The following PIAS4 variants were observed in gnomAD, a reference collection of about 807,000 sequenced individuals.
PIAS4 encodes the protein E3 SUMO-protein ligase PIAS4.
PIAS4 carries 7 observed loss-of-function variants against 58.0 expected under a neutral mutation model. The ratio of observed to expected loss-of-function variants is 0.12; its 90% CI spans 0.07 to 0.23. PIAS4 has a LOEUF of 0.23. Among genes scored for constraint, PIAS4 ranks in the 10% least tolerant of loss-of-function variants. PIAS4 has a pLI of 1.00. For synonymous variants in PIAS4, 364 were observed against 312.4 expected (o/e 1.17, Z -1.74); for missense variants, 550 against 709.5 (o/e 0.78, Z 2.55).
intron 9 of PIAS4, among the ~76,000 whole-genome samples, chr19:4,034,703 G>A (rs1264133898): frequency 2.0e-5 from 3 of 152,218 alleles, no homozygotes; most frequent in African/African-American, 7.2e-5. Flanking sequence ...GCTTGGGCTT[G>A]GGGTGGCGGC....
chr19:4,032,991 AG>A (rs2040236527), intron 7 of PIAS4, 108 bp from the exon 8 acceptor site: 1 of 852,820 alleles, frequency 1.2e-6, no homozygotes, highest in Non-Finnish European at 1.9e-6. Context: ...ACTCATCGTC[AG>A]GGGCCTGTTC....
intron 8 of PIAS4, 77 bp downstream of exon 8, chr19:4,033,250 C>A (rs942620401): frequency 7.5e-6 from 11 of 1,467,234 alleles, no homozygotes; most frequent in African/African-American, 4.2e-5. Context: ...GGGCCCGGGG[C>A]GGCTTGGCTG....
intron 2 of PIAS4, among the ~76,000 whole-genome samples, chr19:4,018,166 T>C (rs1395243686): frequency 6.6e-6 from 1 of 152,230 alleles, no homozygotes; most frequent in Non-Finnish European, 1.5e-5. Context: ...ACTTGTACAA[T>C]TATGCGCTTG....
intron 9 of PIAS4, among the ~76,000 whole-genome samples, chr19:4,035,586 G>A (rs2040266429): frequency 1.3e-5 from 2 of 152,082 alleles, no homozygotes; most frequent in Admixed American, 6.5e-5. Flanking sequence ...TGGGGAGCCC[G>A]CACTCTGCTC....
intron 9 of PIAS4, among the ~76,000 whole-genome samples, chr19:4,033,918 G>A (rs538123731): frequency 6.6e-6 from 1 of 152,222 alleles, no homozygotes; most frequent in Admixed American, 6.5e-5. Flanking sequence ...GCTTTCACAC[G>A]GCGTTCACCC....
chr19:4,030,763 C>G (rs759783270), intron 7 of PIAS4, among the ~76,000 whole-genome samples: 10 of 152,212 alleles, frequency 6.6e-5, no homozygotes, highest in Non-Finnish European at 1.3e-4. Flanking sequence ...CTGGTGGCCA[C>G]TGTCTTCAGG....
intron 7 of PIAS4, among the ~76,000 whole-genome samples, chr19:4,030,175 C>CGGGCAGA (rs1258420124): frequency 4.0e-5 from 6 of 150,942 alleles, no homozygotes; most frequent in Non-Finnish European, 5.9e-5. Context: ...GTTGCCCAGG[C>CGGGCAGA]TGGTCGTAAA....
chr19:4,009,610 C>T (rs2039974547), intron 1 of PIAS4, among the ~76,000 whole-genome samples: 3 of 151,514 alleles, frequency 2.0e-5, no homozygotes, highest in South Asian at 4.2e-4. Context: ...CTTTCAGGTT[C>T]TCTAAACCGT....
chr19:4,033,961 C>G (rs182305210), intron 9 of PIAS4, among the ~76,000 whole-genome samples: 24 of 152,258 alleles, frequency 1.6e-4, no homozygotes, highest in Admixed American at 7.2e-4. Flanking sequence ...GACCTCCTCA[C>G]AGAAAGGCAA....
intron 7 of PIAS4, among the ~76,000 whole-genome samples, chr19:4,029,421 G>A (rs1319480829): frequency 1.3e-5 from 2 of 152,224 alleles, no homozygotes; most frequent in Admixed American, 6.5e-5. Context: ...CCTCAGCGGG[G>A]CCGAGGGTGC....
intron 7 of PIAS4, among the ~76,000 whole-genome samples, chr19:4,032,280 CA>C (rs2144936968): frequency 6.6e-6 from 1 of 152,236 alleles, no homozygotes; most frequent in South Asian, 2.1e-4. Context: ...GAGGAAGCAA[CA>C]CTGGTCCACC....
intron 9 of PIAS4, among the ~76,000 whole-genome samples, chr19:4,035,726 C>G (rs2040268108): frequency 9.0e-6 from 1 of 110,790 alleles, no homozygotes. Flanking sequence ...CACCCGCATG[C>G]CCACACATCC....
chr19:4,015,492 C>A (rs771065807), intron 2 of PIAS4, among the ~76,000 whole-genome samples: 1 of 152,214 alleles, frequency 6.6e-6, no homozygotes, highest in Non-Finnish European at 1.5e-5. Flanking sequence ...CTGGCTCTCT[C>A]TCCATCTCAG....
intron 7 of PIAS4, among the ~76,000 whole-genome samples, chr19:4,029,782 C>G (rs1324784131): frequency 1.4e-5 from 2 of 146,330 alleles, no homozygotes; most frequent in Non-Finnish European, 3.0e-5. Flanking sequence ...TAGCTTGGGA[C>G]CACATGTGTT....
At chr19:4,015,541 TGGG>T (rs2040044256) in intron 2 of PIAS4, among the ~76,000 whole-genome samples, 2 of 152,296 alleles carry the variant, frequency 1.3e-5, no homozygotes, top group Admixed American at 6.5e-5. Flanking sequence ...TCCGTGCTCT[TGGG>T]GGACTCCCTG....
At chr19:4,014,075 GT>G (rs2040027803) in intron 2 of PIAS4, among the ~76,000 whole-genome samples, 1 of 152,180 alleles carries the variant, frequency 6.6e-6, no homozygotes, top group African/African-American at 2.4e-5. Context: ...CCGGGCTCTG[GT>G]TCCTCGCTGG....
intron 7 of PIAS4, among the ~76,000 whole-genome samples, chr19:4,032,153 A>G (rs1568219916): frequency 2.0e-5 from 3 of 152,076 alleles, no homozygotes; most frequent in Non-Finnish European, 2.9e-5. Context: ...TTTCAGGCCA[A>G]TAAGGGGTGG....
chr19:4,026,073 C>A (rs1193978938), intron 3 of PIAS4, among the ~76,000 whole-genome samples: 426 of 76,746 alleles, frequency 5.6e-3, no homozygotes, highest in South Asian at 0.011. Context: ...GACTCCGTCT[C>A]AAAAAAAAAA....
At chr19:4,024,187 G>T in intron 3 of PIAS4, 67 bp downstream of exon 3, 1 of 1,208,130 alleles carries the variant, frequency 8.3e-7, no homozygotes, top group East Asian at 2.3e-5. Context: ...GGGCTCACTG[G>T]GGAGAGCCGG....
Sources: gnomAD v4.1 joint callset for allele counts (sites outside exome capture counted in the v4.1 genomes callset) on GRCh38, gnomAD v4.1.1 for gene constraint, MANE v1.5 for transcripts, NCBI Gene and HGNC (gene_info 2026-07-23, HGNC 2026-07-21) for gene names.